The following TSNAXIP1 variants were observed in gnomAD, a reference collection of about 807,000 sequenced individuals.
The protein encoded by TSNAXIP1 is translin-associated factor X-interacting protein 1.
In TSNAXIP1, 89 loss-of-function variants were observed where a neutral mutation model predicts 84.8. The observed-to-expected ratio is 1.05, with a 90% CI of 0.88 to 1.25. TSNAXIP1 has a LOEUF of 1.25. Ranked by LOEUF, TSNAXIP1 falls within the 50% of genes most tolerant of loss-of-function variation. The pLI, the probability that TSNAXIP1 is intolerant of heterozygous loss-of-function variation, is 0.00. For missense variants in TSNAXIP1, 874 were observed against 887.6 expected, an observed-to-expected ratio of 0.98 and a Z score of 0.20; for synonymous variants, 347 against 335.2, an observed-to-expected ratio of 1.04 and a Z score of -0.39.
At chr16:67,815,042 G>A (rs1441823096) in intron 2 of TSNAXIP1, among the ~76,000 whole-genome samples, 1 of 151,878 alleles carries the variant, frequency 6.6e-6, no homozygotes, top group Non-Finnish European at 1.5e-5. Flanking sequence ...AAAGAGCCGG[G>A]CGCAGTGACT....
rs2151277609 is a variant in TSNAXIP1, at chr16:67,827,549, A to G, written c.1868A>G (p.Gln623Arg). 1 of 1,613,836 alleles carries G rather than the reference A, an allele frequency of 6.2e-7. No homozygotes were observed. Among genetic ancestry groups the G allele is most frequent in the Non-Finnish European group, 8.5e-7 (1 of 1,179,680 alleles). ...ATGGATGAGAAGGACGAGTACTTAC[A>G]GCAGCTAAAGCAGGAGCTTGGCATA... ...QYMDEKDEYL[Q>R]QLKQELGIEL... The change falls in exon 15 of 16, where the codon CAG (glutamine) becomes CGG (arginine). Residue 623 changes from glutamine to arginine, a missense_variant. Gln to Arg is a conservative substitution (Grantham distance 43, BLOSUM62 1). Coordinates refer to ENST00000561639, the MANE Select transcript of TSNAXIP1 (RefSeq NM_001288990.3).
chr16:67,808,093 T>C (rs1267718866), intron 1 of TSNAXIP1, among the ~76,000 whole-genome samples: 1 of 152,144 alleles, frequency 6.6e-6, no homozygotes, highest in East Asian at 1.9e-4. Context: ...ACAAACATTG[T>C]TGGGAACATT....
At chr16:67,825,547 C>T in intron 7 of TSNAXIP1, 120 bp from the exon 8 acceptor site, 1 of 1,386,528 alleles carries the variant, frequency 7.2e-7, no homozygotes, top group Non-Finnish European at 9.8e-7. Flanking sequence ...AGCCTGAAAC[C>T]CTAGGCTGGT....
At chr16:67,819,013 A>G (rs2056819674) in intron 2 of TSNAXIP1, among the ~76,000 whole-genome samples, 1 of 151,634 alleles carries the variant, frequency 6.6e-6, no homozygotes, top group African/African-American at 2.4e-5. Context: ...CACACTTGTA[A>G]TCTCTACTAA....
Position 67,825,728 on chromosome 16 carries a change from G to A in TSNAXIP1, c.876G>A (p.Leu292=). The A allele has an allele frequency of 1.2e-6, 2 of 1,614,210 alleles. No homozygotes were observed. The highest frequency in any genetic ancestry group is 1.7e-6 in the Non-Finnish European group (2 of 1,180,034). The stretch of plus-strand genomic sequence containing the variant: ...CTCTTAAGATGACCCGGCAAGACCT[G>A]ACCCGCACGCAGATGGAACTCAACA... ...TLALKMTRQD[L]TRTQMELNNM... Residue 292 remains leucine (L), a synonymous_variant, in exon 8 of 16, where the codon CTG becomes CTA. Coordinates refer to ENST00000561639, the MANE Select transcript of TSNAXIP1 (RefSeq NM_001288990.3).
rs746010457 is a variant in TSNAXIP1 at position 67,826,810 on chromosome 16, TTA to T, written c.1522_1523del (p.Met508GlufsTer13). 8 of 1,613,918 alleles carry T rather than the reference TTA, an allele frequency of 5.0e-6. No individual in the cohort carries two copies. Among genetic ancestry groups the T allele is most frequent in the Admixed American group, 1.7e-5 (1 of 60,016 alleles). ...ATCAAGATCTTCCACTCCAACGAGG[TTA>T]TGAGTCAGTTCTATGCAGTCTTGAT... On this transcript the variant is annotated frameshift_variant, in exon 12 of 16. Coordinates refer to ENST00000561639, the MANE Select transcript of TSNAXIP1 (RefSeq NM_001288990.3). LOFTEE classifies it high-confidence loss of function.
rs762648880 is a variant in TSNAXIP1 at position 67,827,941 on chromosome 16, A to C, written c.2087A>C (p.Gln696Pro). 2.5e-6 allele frequency: 4 copies of C among 1,613,818 alleles called. No homozygotes were observed. In the South Asian group the frequency reaches 4.4e-5, roughly 18 times the overall value. Residue 696 changes from glutamine (Q) to proline (P), a missense_variant, in exon 16 of 16, where the codon CAG becomes CCG. By Grantham distance (76) the Gln-to-Pro change is moderately conservative. Coordinates refer to ENST00000561639, the MANE Select transcript of TSNAXIP1 (RefSeq NM_001288990.3). Reference protein sequence around the residue: ...EILQTALERLQVIDIRRVGPR... With the variant: ...EILQTALERLPVIDIRRVGPR... ...CTCCAGACTGCCCTGGAGCGGCTTC[A>C]GGTGATTGACATCAGGCGTGTGGGA...
intron 5 of TSNAXIP1, 123 bp from the exon 6 acceptor site, chr16:67,824,459 AC>A (rs2057294112): frequency 1.1e-6 from 1 of 899,702 alleles, no homozygotes; most frequent in African/African-American, 1.7e-5. Context: ...ATGGCTTTGA[AC>A]AAGGCATGCA....
intron 1 of TSNAXIP1, among the ~76,000 whole-genome samples, chr16:67,812,172 C>T (rs1567739430): frequency 6.6e-6 from 1 of 151,870 alleles, no homozygotes; most frequent in African/African-American, 2.4e-5. Flanking sequence ...CACACCCCCA[C>T]CCCATGGATT....
intron 2 of TSNAXIP1, among the ~76,000 whole-genome samples, chr16:67,819,345 G>A (rs532007108): frequency 8.6e-4 from 129 of 150,186 alleles, no homozygotes; most frequent in African/African-American, 3.1e-3. Context: ...CCGAGTTCAA[G>A]CGATTCTCCT....
intron 1 of TSNAXIP1, 47 bp downstream of exon 1, chr16:67,807,243 C>T (rs2151174803): frequency 6.5e-7 from 1 of 1,535,886 alleles, no homozygotes; most frequent in Non-Finnish European, 8.7e-7. Context: ...TTGAGTACTT[C>T]TAGAGAGGGA....
intron 1 of TSNAXIP1, among the ~76,000 whole-genome samples, chr16:67,809,631 A>T (rs143957498): frequency 0.048 from 7,182 of 150,612 alleles, 503 homozygotes; most frequent in African/African-American, 0.15. Flanking sequence ...GTCTCAAAAA[A>T]AAATAAATAA....
rs958608191 is a variant in TSNAXIP1, at chr16:67,824,667, T to C, written c.566T>C (p.Leu189Pro). Residue 189 changes from leucine to proline, a missense_variant, in exon 6 of 16, where the codon CTG (leucine) becomes CCG (proline). Transcript: ENST00000561639. ...AATGAGGACTGCAATGAGAGGATCC[T>C]GGCCATGAGAGCTGAGGAGAAATAT... ...TVNEDCNERI[L>P]AMRAEEKYEI... 3 of 1,614,100 alleles carry C rather than the reference T, an allele frequency of 1.9e-6. No homozygotes were observed.
chr16:67,827,804 C>T lies in TSNAXIP1; in HGVS notation c.1950C>T (p.Asp650=). The change falls in exon 16 of 16, where the codon GAC becomes GAT. Residue 650 remains aspartate (D), a synonymous_variant. Transcript: ENST00000561639. The part of the protein sequence containing the change: ...PKLRGGLMTI[D]PSLDKQTVNT... ...TGCGAGGGGGCCTGATGACCATCGA[C>T]CCCAGCCTGGACAAGCAGACAGTGA... 2 of 1,614,128 alleles carry T rather than the reference C, an allele frequency of 1.2e-6. No homozygotes were observed. Among genetic ancestry groups the T allele is most frequent in the Non-Finnish European group, 8.5e-7 (1 of 1,180,032 alleles).
chr16:67,814,205 A>G, intron 1 of TSNAXIP1, 97 bp from the exon 2 acceptor site: 1 of 975,306 alleles, frequency 1.0e-6, no homozygotes, highest in Middle Eastern at 2.1e-4. Context: ...AGCCTGGCTC[A>G]GGGAGACGGC....
intron 1 of TSNAXIP1, among the ~76,000 whole-genome samples, chr16:67,811,349 T>G (rs1057177634): frequency 6.6e-6 from 1 of 152,138 alleles, no homozygotes; most frequent in Non-Finnish European, 1.5e-5. Flanking sequence ...TTCTCAGAAT[T>G]TATAGAATTC....
chr16:67,807,017 CGGGGGCGTG>C lies in TSNAXIP1; in HGVS notation c.-131_-123del, dbSNP rs1597951438. ...ACTCCCAGCCCGCGGGCGCTAGGCT[CGGGGGCGTG>C]GCGCATCCCTGACTCCGCCCCCGCC... On this transcript the variant is annotated 5_prime_UTR_variant, in exon 1 of 16. Transcript: ENST00000561639. 5 of 1,410,498 alleles carry C rather than the reference CGGGGGCGTG, an allele frequency of 3.5e-6. No homozygotes were observed. The East Asian group carries it at 1.3e-4, about 35-fold the overall frequency. 87.4% of individuals were successfully genotyped at this position (1,410,498 alleles called of 1,614,324 possible). A position where few individuals can be genotyped will look rare whatever the true frequency, so the allele number is the denominator to read the frequency against.
intron 6 of TSNAXIP1, 105 bp downstream of exon 6, chr16:67,824,884 C>T (rs2057326431): frequency 7.8e-7 from 1 of 1,281,538 alleles, no homozygotes; most frequent in Non-Finnish European, 1.1e-6. Context: ...GAGTGACACA[C>T]TGAGCCACCA....
Position 67,823,655 on chromosome 16 carries a change from A to C in TSNAXIP1, c.417A>C (p.Ile139=). 1 of 1,613,932 alleles carries C rather than the reference A, an allele frequency of 6.2e-7. No homozygotes were observed. The highest frequency in any genetic ancestry group is 8.5e-7 in the Non-Finnish European group (1 of 1,179,882). Residue 139 remains isoleucine (I), a synonymous_variant, in exon 5 of 16, where the codon ATA becomes ATC. Coordinates refer to ENST00000561639, the MANE Select transcript of TSNAXIP1 (RefSeq NM_001288990.3). ...QPYREIFEFF[I]EDFKTYKPLL... is the part of the protein sequence containing the mutation. ...ACAGAGAGATCTTTGAGTTCTTCATAGAGGACTTCAAAACGTACAAGCCAT... is the reference window on the plus strand; with the variant it reads ...ACAGAGAGATCTTTGAGTTCTTCATCGAGGACTTCAAAACGTACAAGCCAT...
Sources: gnomAD v4.1 joint callset for allele counts (sites outside exome capture counted in the v4.1 genomes callset) on GRCh38, gnomAD v4.1.1 for gene constraint, MANE v1.5 for transcripts, NCBI Gene and HGNC (gene_info 2026-07-23, HGNC 2026-07-21) for gene names.